The following BCAT1 variants were observed in gnomAD, a reference collection of about 807,000 sequenced individuals.
BCAT1 encodes branched-chain-amino-acid aminotransferase, cytosolic.
A neutral mutation model predicts 52.4 loss-of-function variants in BCAT1; 48 were observed. That is an observed-to-expected ratio of 0.92 (90% CI 0.73 to 1.16). The LOEUF (loss-of-function observed/expected upper bound fraction) is 1.16, where lower values mean the gene tolerates loss of function less well. BCAT1 is among the 50% of genes most tolerant of loss of function. The pLI is 0.00. For missense variants in BCAT1, 451 were observed against 457.1 expected (o/e 0.99, Z 0.12); for synonymous variants, 167 against 161.3 (o/e 1.04, Z -0.27).
rs59426475 is a variant in BCAT1 at position 24,936,723 on chromosome 12, TCACA to T, written c.6+12200_6+12203del. 1.5e-3 allele frequency among the ~76,000 whole-genome samples: 216 copies of T among 140,786 alleles called. 3 individuals are homozygous for T. Among genetic ancestry groups the T allele is most frequent in the Non-Finnish European group, 2.2e-3 (138 of 62,252 alleles). The allele number at this position is 140,786 out of a possible 152,430, so 92.4% of individuals were successfully genotyped here. A position where few individuals can be genotyped will look rare whatever the true frequency, so the allele number is the denominator to read the frequency against. On this transcript the variant is annotated intron_variant, in intron 1 of 10. Coordinates refer to ENST00000261192, the MANE Select transcript of BCAT1 (RefSeq NM_005504.7). ...CTCTTTAAATCTCAATCTCTCTCTC[TCACA>T]CACACACACACACATACACACACAC... is the stretch of plus-strand genomic sequence containing the variant.
In BCAT1 at chr12:24,810,936, T is replaced by G. The variant is rs1032849634; in HGVS notation, c.*7072A>C. 7.9e-5 allele frequency: 12 copies of G among 152,332 alleles called. No homozygotes were observed. Among genetic ancestry groups the G allele is most frequent in the African/African-American group, 2.9e-4 (12 of 41,582 alleles). The allele number at this position is 152,332 out of a possible 1,614,324, so 9.4% of individuals were successfully genotyped here. A position where few individuals can be genotyped will look rare whatever the true frequency, so the allele number is the denominator to read the frequency against. On this transcript the variant is annotated 3_prime_UTR_variant, in exon 11 of 11. Transcript: ENST00000261192. Reference sequence around the variant, plus strand: ...CTTCATTGAAGATCTCTAGGCCTTTTACTTTTTAAAGTGTCTTTTATTCTA... The same window carrying G: ...CTTCATTGAAGATCTCTAGGCCTTTGACTTTTTAAAGTGTCTTTTATTCTA...
At chr12:24,876,994 A>T (rs890765983) in intron 5 of BCAT1, among the ~76,000 whole-genome samples, 1 of 152,166 alleles carries the variant, frequency 6.6e-6, no homozygotes, top group African/African-American at 2.4e-5. Flanking sequence ...ATGTCAAAAA[A>T]CTTATGGAAG....
chr12:24,836,805 AGAAGGAAGGAAGGAAAGAAG>A (rs1232728106), intron 7 of BCAT1, among the ~76,000 whole-genome samples: 3 of 140,886 alleles, frequency 2.1e-5, no homozygotes, highest in Admixed American at 1.4e-4. Flanking sequence ...AAGGAAGGAA[AGAAGGAAGGAAGGAAAGAAG>A]GAAGGAAGGA....
At chr12:24,917,202 T>C (rs1943426529) in intron 1 of BCAT1, among the ~76,000 whole-genome samples, 1 of 125,810 alleles carries the variant, frequency 7.9e-6, no homozygotes, top group Non-Finnish European at 1.8e-5. Context: ...GGACTTTTTT[T>C]TTTTTTTTTT....
chr12:24,825,135 G>GTA lies in BCAT1; in HGVS notation c.1119+4686_1119+4687dup, dbSNP rs10548732. ...ATTGTGTGTGTGTGTGTGTGTGTGT[G>GTA]TATATATATATATATATATATCTTT... On this transcript the variant is annotated intron_variant, in intron 10 of 10. Transcript: ENST00000261192. Among the ~76,000 whole-genome samples, 644 of 146,530 alleles carry GTA rather than the reference G, an allele frequency of 4.4e-3. 3 individuals carry two copies. The highest frequency in any genetic ancestry group is 0.013 in the South Asian group (59 of 4,566).
intron 5 of BCAT1, 100 bp from the exon 6 acceptor site, chr12:24,850,049 G>A (rs138144186): frequency 4.3e-5 from 48 of 1,120,476 alleles, no homozygotes; most frequent in Middle Eastern, 2.2e-4. Flanking sequence ...AGAAGCCATC[G>A]AATTACAGGA....
At chr12:24,943,493 GAAA>G (rs4031153) in intron 1 of BCAT1, among the ~76,000 whole-genome samples, 77 of 58,554 alleles carry the variant, frequency 1.3e-3, no homozygotes, top group Middle Eastern at 0.021. Context: ...ACCCTATCTG[GAAA>G]AAAAAAAAAA....
chr12:24,905,187 A>T (rs918197123), intron 1 of BCAT1, among the ~76,000 whole-genome samples: 4 of 152,246 alleles, frequency 2.6e-5, no homozygotes, highest in Admixed American at 6.5e-5. Flanking sequence ...TGCCTTAGGG[A>T]GAGCTAAAGA....
Position 24,817,245 on chromosome 12 carries a change from A to G in BCAT1, c.*763T>C, listed in dbSNP as rs1404315723. The G allele has an allele frequency of 6.6e-6, 1 of 152,286 alleles. No homozygotes were observed. Among genetic ancestry groups the G allele is most frequent in the Non-Finnish European group, 1.5e-5 (1 of 68,044 alleles). 9.4% of individuals were successfully genotyped at this position (152,286 alleles called of 1,614,324 possible). ...ATAGAAACAAAGAAGGTACACTTCT[A>G]TAGAAGCAAAATGTTCACTGATTCA... On this transcript the variant is annotated 3_prime_UTR_variant, in exon 11 of 11. Transcript: ENST00000261192.
chr12:24,897,324 G>A (rs1476286579), intron 2 of BCAT1, among the ~76,000 whole-genome samples: 1 of 152,064 alleles, frequency 6.6e-6, no homozygotes, highest in African/African-American at 2.4e-5. Context: ...GGCAAAGCAG[G>A]GATAGAATAA....
At chr12:24,868,177 A>T (rs2133582) in intron 5 of BCAT1, among the ~76,000 whole-genome samples, 1 of 152,122 alleles carries the variant, frequency 6.6e-6, no homozygotes, top group African/African-American at 2.4e-5. Flanking sequence ...TAACTAACTC[A>T]TGAATCACTC....
At chr12:24,893,371 A>C (rs1212409135) in intron 3 of BCAT1, among the ~76,000 whole-genome samples, 1 of 152,216 alleles carries the variant, frequency 6.6e-6, no homozygotes, top group Non-Finnish European at 1.5e-5. Context: ...TTTTATAGAT[A>C]AAGAAATTAA....
Position 24,857,135 on chromosome 12 carries a change from T to C in BCAT1, c.511-7186A>G, listed in dbSNP as rs548495088. Among the ~76,000 whole-genome samples the C allele has an allele frequency of 7.2e-5, 11 of 152,368 alleles. No homozygotes were observed. The South Asian group carries it at 2.3e-3, about 32-fold the overall frequency. ...ACAGTGGTGGCCTGGATTCAATTCC[T>C]AGCTTCGGGAATGAGTCCTTTCTGG... On this transcript the variant is annotated intron_variant, in intron 5 of 10. Transcript: ENST00000261192.
chr12:24,895,225 C>G (rs894113283), intron 2 of BCAT1, among the ~76,000 whole-genome samples: 11 of 152,146 alleles, frequency 7.2e-5, no homozygotes, highest in African/African-American at 2.7e-4. Flanking sequence ...GCATGCGATA[C>G]CACCACTAAC....
intron 10 of BCAT1, among the ~76,000 whole-genome samples, chr12:24,818,887 A>T (rs1014716899): frequency 6.6e-6 from 1 of 152,204 alleles, no homozygotes; most frequent in African/African-American, 2.4e-5. Flanking sequence ...TCAGTCAGTC[A>T]TTCAACAAAA....
At chr12:24,831,104 C>T (rs771943506) in intron 9 of BCAT1, among the ~76,000 whole-genome samples, 2 of 152,178 alleles carry the variant, frequency 1.3e-5, no homozygotes, top group Non-Finnish European at 2.9e-5. Context: ...CCAATCCCTC[C>T]TCCTCCTCCT....
intron 8 of BCAT1, among the ~76,000 whole-genome samples, chr12:24,833,074 G>T (rs1035610628): frequency 6.6e-6 from 1 of 152,150 alleles, no homozygotes; most frequent in East Asian, 1.9e-4. Context: ...TTATATATGA[G>T]ATTATCAGAA....
intron 1 of BCAT1, among the ~76,000 whole-genome samples, chr12:24,918,575 T>C (rs1943453568): frequency 6.6e-6 from 1 of 152,220 alleles, no homozygotes. Flanking sequence ...TAATAATATA[T>C]GTTAATGTAT....
chr12:24,943,877 A>T (rs1044981800), intron 1 of BCAT1, among the ~76,000 whole-genome samples: 1 of 152,090 alleles, frequency 6.6e-6, no homozygotes, highest in Non-Finnish European at 1.5e-5. Flanking sequence ...CCAGCTACTC[A>T]GGAAGCTGAG....
Sources: gnomAD v4.1 joint callset for allele counts (sites outside exome capture counted in the v4.1 genomes callset) on GRCh38, gnomAD v4.1.1 for gene constraint, MANE v1.5 for transcripts, NCBI Gene and HGNC (gene_info 2026-07-23, HGNC 2026-07-21) for gene names.